Variants in FOXP1 observed in about 807,000 individuals in gnomAD.
FOXP1 encodes forkhead box protein P1.
A neutral mutation model predicts 98.2 loss-of-function variants in FOXP1; 15 were observed. The observed-to-expected ratio is 0.15, with a 90% CI of 0.10 to 0.24. The LOEUF is 0.24. Among genes scored for constraint, FOXP1 ranks in the 10% least tolerant of loss-of-function variants. The pLI is 1.00. For synonymous variants in FOXP1, 371 were observed against 314.5 expected, an observed-to-expected ratio of 1.18 and a Z score of -1.90; for missense variants, 633 against 848.5, an observed-to-expected ratio of 0.75 and a Z score of 3.15.
chr3:70,972,720 A>AAAAG (rs1553663206), intron 17 of FOXP1, 44 bp from the exon 18 acceptor site: 4 of 1,602,772 alleles, frequency 2.5e-6, no homozygotes, highest in Admixed American at 1.7e-5. Context: ...TTTCTATAAG[A>AAAAG]AAAGACTCCA....
At chr3:71,320,205 C>T (rs747092245) in intron 4 of FOXP1, among the ~76,000 whole-genome samples, 38 of 152,102 alleles carry the variant, frequency 2.5e-4, no homozygotes, top group Non-Finnish European at 4.4e-4. Flanking sequence ...GGATGCTTAA[C>T]GTTGCATGCT....
Position 70,959,731 on chromosome 3 carries a change from G to A in FOXP1, c.1890-340C>T, listed in dbSNP as rs1439801103. ...GAATCACTAGTCTCTGGACTGGTGT[G>A]GGCCTCTCCTCCCTGGTGGCATTTC... On this transcript the variant is annotated intron_variant, in intron 20 of 20. Coordinates refer to ENST00000649528, the MANE Select transcript of FOXP1 (RefSeq NM_001349338.3). Among the ~76,000 whole-genome samples, 3 of 152,196 alleles carry A rather than the reference G, an allele frequency of 2.0e-5. No individual in the cohort carries two copies. In the East Asian group the frequency reaches 5.8e-4, roughly 29 times the overall value.
chr3:71,367,416 G>A (rs11709107), intron 3 of FOXP1, among the ~76,000 whole-genome samples: 15,162 of 152,100 alleles, frequency 0.1, 1,032 homozygotes, highest in Non-Finnish European at 0.15. Context: ...AAGCATTCCC[G>A]TGGTTTACAA....
At chr3:71,136,831 A>G (rs888507636) in intron 6 of FOXP1, among the ~76,000 whole-genome samples, 1 of 149,102 alleles carries the variant, frequency 6.7e-6, no homozygotes, top group African/African-American at 2.5e-5. Flanking sequence ...AAAAAAAAAG[A>G]TTACTGGTGG....
rs1225493170 is a variant in FOXP1 at position 70,956,181 on chromosome 3, C to T, written c.*3066G>A. ...TAGGAACAATATCTAAAAAAAGAACCGCCCTCTGCCCTCCCCCAAAAAAGA... is the reference window on the plus strand; with the variant it reads ...TAGGAACAATATCTAAAAAAAGAACTGCCCTCTGCCCTCCCCCAAAAAAGA... On this transcript the variant is annotated 3_prime_UTR_variant, in exon 21 of 21. Transcript: ENST00000649528. The T allele has an allele frequency of 3.9e-5, 9 of 233,008 alleles. No homozygotes were observed. The highest frequency in any genetic ancestry group is 3.6e-4 in the East Asian group (6 of 16,554). 14.4% of individuals were successfully genotyped at this position (233,008 alleles called of 1,614,324 possible). A position where few individuals can be genotyped will look rare whatever the true frequency, so the allele number is the denominator to read the frequency against.
chr3:71,079,015 G>C (rs573410245), intron 7 of FOXP1, among the ~76,000 whole-genome samples: 2 of 152,038 alleles, frequency 1.3e-5, no homozygotes, highest in Admixed American at 1.3e-4. Context: ...GCCCACTCAC[G>C]GTTTGGTTTT....
At chr3:71,072,949 T>A (rs1450432955) in intron 7 of FOXP1, among the ~76,000 whole-genome samples, 2 of 152,230 alleles carry the variant, frequency 1.3e-5, no homozygotes, top group Middle Eastern at 3.2e-3. Context: ...AACAGTTTAA[T>A]AAAGTCTTGA....
At chr3:71,453,010 T>C (rs1423806020) in intron 3 of FOXP1, among the ~76,000 whole-genome samples, 2 of 152,208 alleles carry the variant, frequency 1.3e-5, no homozygotes, top group Non-Finnish European at 2.9e-5. Context: ...ATAAAGCCTG[T>C]GCTGCCTAGT....
chr3:71,280,581 C>T (rs1252520453), intron 5 of FOXP1, among the ~76,000 whole-genome samples: 2 of 152,132 alleles, frequency 1.3e-5, no homozygotes, highest in African/African-American at 2.4e-5. Flanking sequence ...GCCTCGGCCT[C>T]CCAAAGTGCT....
At chr3:71,558,344 C>A (rs2046289021) in intron 2 of FOXP1, among the ~76,000 whole-genome samples, 1 of 152,212 alleles carries the variant, frequency 6.6e-6, no homozygotes, top group Non-Finnish European at 1.5e-5. Context: ...GTGGACCAGA[C>A]TGGCTGTCGT....
chr3:71,368,770 C>A (rs921405927), intron 3 of FOXP1, among the ~76,000 whole-genome samples: 1 of 152,286 alleles, frequency 6.6e-6, no homozygotes, highest in East Asian at 1.9e-4. Context: ...TAGCAAGGGG[C>A]AGCACTTCTA....
intron 3 of FOXP1, among the ~76,000 whole-genome samples, chr3:71,420,185 T>A: frequency 6.6e-6 from 1 of 152,082 alleles, no homozygotes. Context: ...TTTCCTCTTA[T>A]GAAAAATGTT....
chr3:71,287,625 C>T lies in FOXP1; in HGVS notation c.-12+12195G>A, dbSNP rs187141196. ...CGAAACCCTGTCTCTACTAAAAATACGAAAATTAGCTGGGCTTGGTGGCGG... is the reference window on the plus strand; with the variant it reads ...CGAAACCCTGTCTCTACTAAAAATATGAAAATTAGCTGGGCTTGGTGGCGG... On this transcript the variant is annotated intron_variant, in intron 5 of 20. Coordinates refer to ENST00000649528, the MANE Select transcript of FOXP1 (RefSeq NM_001349338.3). Among the ~76,000 whole-genome samples the T allele has an allele frequency of 2.2e-3, 337 of 151,812 alleles. 2 individuals carry two copies. The highest frequency in any genetic ancestry group is 5.5e-3 in the African/African-American group (229 of 41,434).
Position 70,959,094 on chromosome 3 carries a change from C to G in FOXP1, c.*153G>C, listed in dbSNP as rs1252534066. 2.1e-5 allele frequency: 18 copies of G among 851,276 alleles called. No homozygotes were observed. The highest frequency in any genetic ancestry group is 3.2e-5 in the Non-Finnish European group (17 of 537,084). 52.7% of individuals were successfully genotyped at this position (851,276 alleles called of 1,614,324 possible). A position where few individuals can be genotyped will look rare whatever the true frequency, so the allele number is the denominator to read the frequency against. On this transcript the variant is annotated 3_prime_UTR_variant, in exon 21 of 21. Transcript: ENST00000649528. ...CTCCCAAATGGGGTTCTTGATGGCA[C>G]TAAGAGTTAACACATTTCAGAGTTG...
At chr3:71,204,081 T>C (rs139834266) in intron 5 of FOXP1, among the ~76,000 whole-genome samples, 166 of 152,308 alleles carry the variant, frequency 1.1e-3, no homozygotes, top group Non-Finnish European at 2.4e-4. Flanking sequence ...TCCATGCAGT[T>C]AGTAGACTGA....
chr3:71,246,898 A>G (rs2067792485), intron 5 of FOXP1, among the ~76,000 whole-genome samples: 2 of 152,242 alleles, frequency 1.3e-5, no homozygotes, highest in Non-Finnish European at 2.9e-5. Context: ...TAAATTAGCC[A>G]TTTCATCGAG....
chr3:71,267,158 A>C (rs941024702), intron 5 of FOXP1, among the ~76,000 whole-genome samples: 10 of 94,334 alleles, frequency 1.1e-4, no homozygotes, highest in Non-Finnish European at 2.3e-4. Flanking sequence ...TGTGTGTGTA[A>C]ACATTAACTT....
At chr3:71,161,305 T>C (rs2061122947) in intron 6 of FOXP1, among the ~76,000 whole-genome samples, 1 of 152,228 alleles carries the variant, frequency 6.6e-6, no homozygotes, top group African/African-American at 2.4e-5. Context: ...TGCAGCTGCA[T>C]TCAGCTGGTA....
At chr3:71,537,455 C>T (rs2044396127) in intron 2 of FOXP1, among the ~76,000 whole-genome samples, 1 of 152,148 alleles carries the variant, frequency 6.6e-6, no homozygotes, top group Non-Finnish European at 1.5e-5. Flanking sequence ...ATGGAAGATG[C>T]AGGATAATGA....
Sources: gnomAD v4.1 joint callset for allele counts (sites outside exome capture counted in the v4.1 genomes callset) on GRCh38, gnomAD v4.1.1 for gene constraint, MANE v1.5 for transcripts, NCBI Gene and HGNC (gene_info 2026-07-23, HGNC 2026-07-21) for gene names.